The following SNX9 variants were observed in gnomAD, a reference collection of about 807,000 sequenced individuals.
SNX9 encodes the protein sorting nexin 9, also known as sorting nexin-9.
A neutral mutation model predicts 89.4 loss-of-function variants in SNX9; 44 were observed. The observed-to-expected ratio is 0.49, with a 90% CI of 0.39 to 0.63. The LOEUF is 0.63. Among genes scored for constraint, SNX9 ranks in the 30% least tolerant of loss-of-function variants. The pLI is 0.00. For synonymous variants in SNX9, 236 were observed against 247.8 expected, an observed-to-expected ratio of 0.95 and a Z score of 0.45; for missense variants, 578 against 736.1, an observed-to-expected ratio of 0.79 and a Z score of 2.49.
intron 1 of SNX9, among the ~76,000 whole-genome samples, chr6:157,842,805 G>A (rs1781728946): frequency 6.6e-6 from 1 of 152,184 alleles, no homozygotes; most frequent in Non-Finnish European, 1.5e-5. Context: ...GTTATCCCCA[G>A]GAGCAATTTG....
chr6:157,852,302 A>G (rs1781929317), intron 1 of SNX9, among the ~76,000 whole-genome samples: 1 of 152,202 alleles, frequency 6.6e-6, no homozygotes, highest in African/African-American at 2.4e-5. Flanking sequence ...TAATTATTTG[A>G]ATTAATTGGA....
At chr6:157,910,437 A>G (rs1293351312) in intron 9 of SNX9, among the ~76,000 whole-genome samples, 1 of 152,370 alleles carries the variant, frequency 6.6e-6, no homozygotes, top group South Asian at 2.1e-4. Flanking sequence ...GATGAGCTGC[A>G]TTATTTCATT....
chr6:157,864,796 G>A (rs143247316), intron 1 of SNX9, among the ~76,000 whole-genome samples: 1 of 151,708 alleles, frequency 6.6e-6, no homozygotes, highest in Admixed American at 6.6e-5. Context: ...TTGGGAGGCC[G>A]AGGCGGGCAG....
At chr6:157,902,079 G>A (rs765232188) in intron 6 of SNX9, 34 bp downstream of exon 6, 27 of 1,603,848 alleles carry the variant, frequency 1.7e-5, no homozygotes, top group African/African-American at 6.7e-5. Flanking sequence ...AACCAGGGCC[G>A]TGGTAGAAGT....
At chr6:157,875,608 C>T (rs185688509) in intron 4 of SNX9, among the ~76,000 whole-genome samples, 1 of 152,188 alleles carries the variant, frequency 6.6e-6, no homozygotes, top group African/African-American at 2.4e-5. Flanking sequence ...GGCCCTCATC[C>T]TGCGAGTAGA....
chr6:157,913,290 A>C (rs11967737), intron 9 of SNX9, among the ~76,000 whole-genome samples: 11 of 151,626 alleles, frequency 7.3e-5, no homozygotes, highest in Admixed American at 2.6e-4. Flanking sequence ...GCATAATACT[A>C]TCTATCTATA....
At chr6:157,888,363 G>A (rs150227238) in intron 4 of SNX9, among the ~76,000 whole-genome samples, 3 of 152,268 alleles carry the variant, frequency 2.0e-5, no homozygotes, top group Non-Finnish European at 4.4e-5. Flanking sequence ...ACTGTATCAT[G>A]ATGCCAAACA....
Position 157,875,261 on chromosome 6 carries a change from A to C in SNX9, c.300+85A>C, listed in dbSNP as rs546854041. On this transcript the variant is annotated intron_variant, in intron 4 of 17. Coordinates refer to ENST00000392185, the MANE Select transcript of SNX9 (RefSeq NM_016224.5). ...TGAAGGCTTGTGATGCATTATAGCT[A>C]TTGCCATTCCCCAAAAGCAAAAACA... is the stretch of plus-strand genomic sequence containing the variant. 4.1e-6 allele frequency: 6 copies of C among 1,463,262 alleles called. No homozygotes were observed. In the South Asian group the frequency reaches 9.3e-5, roughly 23 times the overall value. 90.6% of individuals were successfully genotyped at this position (1,463,262 alleles called of 1,614,324 possible). A position where few individuals can be genotyped will look rare whatever the true frequency, so the allele number is the denominator to read the frequency against.
chr6:157,836,928 A>G (rs1382469610), intron 1 of SNX9, among the ~76,000 whole-genome samples: 1 of 152,112 alleles, frequency 6.6e-6, no homozygotes, highest in South Asian at 2.1e-4. Flanking sequence ...GGTGATGCTG[A>G]TGCTGCTGGT....
chr6:157,872,845 G>A lies in SNX9; in HGVS notation c.100-257G>A, dbSNP rs74367387. On this transcript the variant is annotated intron_variant, in intron 2 of 17. Transcript: ENST00000392185. ...GCAGACCAGTACACAGACAAGATGA[G>A]GGTCATCTAATCATCAGCTGTTTTC... 2,041 of 299,806 alleles carry A rather than the reference G, an allele frequency of 6.8e-3. 45 individuals carry two copies. Among genetic ancestry groups the A allele is most frequent in the African/African-American group, 0.041 (1,898 of 46,054 alleles). 18.6% of individuals were successfully genotyped at this position (299,806 alleles called of 1,614,324 possible).
intron 1 of SNX9, among the ~76,000 whole-genome samples, chr6:157,860,615 G>T (rs950670298): frequency 6.6e-6 from 1 of 152,114 alleles, no homozygotes; most frequent in East Asian, 1.9e-4. Context: ...TGTGTGCACC[G>T]CATATAGAAG....
chr6:157,869,569 C>G (rs930863074), intron 2 of SNX9, among the ~76,000 whole-genome samples: 3 of 152,162 alleles, frequency 2.0e-5, no homozygotes, highest in African/African-American at 7.2e-5. Context: ...CCTCTTCTCT[C>G]CACCCTGCGC....
chr6:157,892,620 A>G (rs1052572295), intron 4 of SNX9: 4 of 152,266 alleles, frequency 2.6e-5, no homozygotes, highest in African/African-American at 9.6e-5. Context: ...TGATTTTCAA[A>G]GAACAATTAT....
intron 1 of SNX9, among the ~76,000 whole-genome samples, chr6:157,825,458 C>CA (rs1781325561): frequency 6.6e-6 from 1 of 151,898 alleles, no homozygotes; most frequent in Non-Finnish European, 1.5e-5. Context: ...AATTTTTTTC[C>CA]AAAAAATCGA....
chr6:157,889,903 A>G (rs1367246260), intron 4 of SNX9, among the ~76,000 whole-genome samples: 1 of 152,232 alleles, frequency 6.6e-6, no homozygotes, highest in Non-Finnish European at 1.5e-5. Context: ...ACTGTGGGCT[A>G]GATGCTTTGT....
In SNX9 at chr6:157,823,894, T is replaced by C. The variant is rs969338811; in HGVS notation, c.12+448T>C. ...GGGACCCTCGCCCCCGCGGGGCGGG[T>C]GGGGGTCGAGACCTCGGCGGAGAGG... On this transcript the variant is annotated intron_variant, in intron 1 of 17. Transcript: ENST00000392185. This position sits in a 1 kb window ranked among gnomAD's most constrained non-coding sequence, Gnocchi z 4.6. Among the ~76,000 whole-genome samples the C allele has an allele frequency of 7.3e-5, 11 of 151,160 alleles. No individual in the cohort carries two copies. Among genetic ancestry groups the C allele is most frequent in the Admixed American group, 5.9e-4 (9 of 15,216 alleles).
At chr6:157,876,267 C>A (rs1305619099) in intron 4 of SNX9, among the ~76,000 whole-genome samples, 1 of 152,136 alleles carries the variant, frequency 6.6e-6, no homozygotes, top group Non-Finnish European at 1.5e-5. Flanking sequence ...TCCTGGCCAA[C>A]ATGGTGAAAC....
intron 1 of SNX9, among the ~76,000 whole-genome samples, chr6:157,825,471 A>G (rs1383852414): frequency 6.6e-6 from 1 of 152,152 alleles, no homozygotes; most frequent in Non-Finnish European, 1.5e-5. Flanking sequence ...AAAATCGAAA[A>G]GTGGTTCTTG....
intron 2 of SNX9, among the ~76,000 whole-genome samples, chr6:157,869,170 G>A (rs569194339): frequency 6.6e-6 from 1 of 152,312 alleles, no homozygotes; most frequent in African/African-American, 2.4e-5. Flanking sequence ...CGGCCTCACT[G>A]GCTGTCCTCT....
Sources: gnomAD v4.1 joint callset for allele counts (sites outside exome capture counted in the v4.1 genomes callset) on GRCh38, gnomAD v4.1.1 for gene constraint, Gnocchi (gnomAD v3.1) non-coding constraint, MANE v1.5 for transcripts, NCBI Gene and HGNC (gene_info 2026-07-23, HGNC 2026-07-21) for gene names.